Variants in RCAN2 observed in about 807,000 individuals in gnomAD.
RCAN2 encodes regulator of calcineurin 2, also known as calcipressin-2.
Under a neutral mutation model 23.6 loss-of-function variants are expected in RCAN2, and 9 were observed. That is an observed-to-expected ratio of 0.38 (90% confidence interval 0.23 to 0.67). The LOEUF (loss-of-function observed/expected upper bound fraction) is 0.67. Ranked by LOEUF, RCAN2 falls within the 30% of genes least tolerant of loss-of-function variation. The pLI, the probability that RCAN2 is intolerant of heterozygous loss-of-function variation, is 0.51. For synonymous variants in RCAN2, 109 were observed against 115.7 expected (o/e 0.94, Z 0.37); for missense variants, 273 against 302.3 (o/e 0.90, Z 0.72).
chr6:46,386,967 T>A (rs1765774160), intron 2 of RCAN2, among the ~76,000 whole-genome samples: 1 of 152,180 alleles, frequency 6.6e-6, no homozygotes, highest in Non-Finnish European at 1.5e-5. Context: ...AACCATCTGA[T>A]CTTTGACAAA....
rs12198878 is a variant in RCAN2 at position 46,365,617 on chromosome 6, C to A, written c.225+91135G>T. ...AAGGTATATGACAAAATATTGCTATCCTTCAACAGGAAATTGTCAATTTCT... is the reference window on the plus strand; with the variant it reads ...AAGGTATATGACAAAATATTGCTATACTTCAACAGGAAATTGTCAATTTCT... On this transcript the variant is annotated intron_variant, in intron 2 of 4. Transcript: ENST00000371374. 2.2e-3 allele frequency among the ~76,000 whole-genome samples: 336 copies of A among 152,248 alleles called. 2 individuals are homozygous for A. Among genetic ancestry groups the A allele is most frequent in the South Asian group, 0.017 (80 of 4,812 alleles).
At chr6:46,290,991 C>T (rs1168084381) in intron 2 of RCAN2, among the ~76,000 whole-genome samples, 1 of 152,128 alleles carries the variant, frequency 6.6e-6, no homozygotes, top group Non-Finnish European at 1.5e-5. Context: ...CAGGACTGGC[C>T]CACAAAGTGC....
chr6:46,256,485 C>G (rs1156444832), intron 2 of RCAN2, among the ~76,000 whole-genome samples: 1 of 152,160 alleles, frequency 6.6e-6, no homozygotes, highest in Non-Finnish European at 1.5e-5. Flanking sequence ...AGGCCGAACT[C>G]AGGCCATATT....
At chr6:46,390,013 C>T (rs1295547876) in intron 2 of RCAN2, among the ~76,000 whole-genome samples, 5 of 115,196 alleles carry the variant, frequency 4.3e-5, no homozygotes, top group Non-Finnish European at 5.7e-5. Context: ...CATTATTATT[C>T]GAGACCAAAA....
At chr6:46,280,823 G>A (rs1767882532) in intron 2 of RCAN2, among the ~76,000 whole-genome samples, 1 of 152,144 alleles carries the variant, frequency 6.6e-6, no homozygotes, top group Non-Finnish European at 1.5e-5. Flanking sequence ...TTAGTGAGAT[G>A]TCTCAGGGAG....
intron 2 of RCAN2, among the ~76,000 whole-genome samples, chr6:46,293,749 T>A (rs1582074508): frequency 6.6e-6 from 1 of 152,206 alleles, no homozygotes; most frequent in South Asian, 2.1e-4. Context: ...CTTGCTCAGG[T>A]AAGAGCACAG....
At chr6:46,287,979 C>A (rs896874400) in intron 2 of RCAN2, among the ~76,000 whole-genome samples, 52 of 152,298 alleles carry the variant, frequency 3.4e-4, no homozygotes, top group South Asian at 1.5e-3. Flanking sequence ...TAATGTCTAT[C>A]CTTCCCTGCA....
At chr6:46,339,718 A>G (rs1385743927) in intron 2 of RCAN2, among the ~76,000 whole-genome samples, 2 of 152,216 alleles carry the variant, frequency 1.3e-5, no homozygotes, top group Non-Finnish European at 2.9e-5. Context: ...CCATTCTGCA[A>G]ATAATATGTG....
intron 2 of RCAN2, among the ~76,000 whole-genome samples, chr6:46,411,344 C>CTA (rs1766545065): frequency 6.6e-6 from 1 of 152,138 alleles, no homozygotes; most frequent in African/African-American, 2.4e-5. Context: ...GGATGGGGAG[C>CTA]TATTGTTCAA....
intron 4 of RCAN2, among the ~76,000 whole-genome samples, chr6:46,240,400 G>T (rs1766263476): frequency 6.6e-6 from 1 of 152,170 alleles, no homozygotes; most frequent in Non-Finnish European, 1.5e-5. Context: ...ACTCCATAGT[G>T]ATGGAAGATA....
chr6:46,336,917 G>C (rs1764161477), intron 2 of RCAN2, among the ~76,000 whole-genome samples: 3 of 144,058 alleles, frequency 2.1e-5, no homozygotes, highest in Non-Finnish European at 4.5e-5. Context: ...TCTGGGGATG[G>C]GGGATAAAGT....
At chr6:46,316,971 C>T (rs992349327) in intron 2 of RCAN2, among the ~76,000 whole-genome samples, 1 of 152,094 alleles carries the variant, frequency 6.6e-6, no homozygotes, top group African/African-American at 2.4e-5. Flanking sequence ...TTGGAGGTTT[C>T]CTGTGAAAAA....
At chr6:46,314,449 GGT>G (rs1469866391) in intron 2 of RCAN2, among the ~76,000 whole-genome samples, 4 of 151,046 alleles carry the variant, frequency 2.6e-5, no homozygotes, top group Non-Finnish European at 5.9e-5. Flanking sequence ...AGCCAGAGTA[GGT>G]GTGTAGGTGT....
rs1769143500 is a variant in RCAN2 at position 46,491,343 on chromosome 6, G to A, written c.-173C>T. 6.6e-6 allele frequency: 1 copy of A among 151,456 alleles called. No individual in the cohort carries two copies. The highest frequency in any genetic ancestry group is 6.6e-5 in the Admixed American group (1 of 15,192). The allele number at this position is 151,456 out of a possible 1,614,324, so 9.4% of individuals were successfully genotyped here. A position where few individuals can be genotyped will look rare whatever the true frequency, so the allele number is the denominator to read the frequency against. On this transcript the variant is annotated 5_prime_UTR_variant, in exon 1 of 5. Coordinates refer to ENST00000371374, the MANE Select transcript of RCAN2 (RefSeq NM_001251974.2). The stretch of plus-strand genomic sequence containing the variant: ...CTTTGCGTGGGGCCGTACGCGGCGC[G>A]GCGCGCCCCGCCTCCCTCTCTCTGC...
At chr6:46,322,074 C>A (rs2150362525) in intron 2 of RCAN2, among the ~76,000 whole-genome samples, 1 of 152,264 alleles carries the variant, frequency 6.6e-6, no homozygotes, top group East Asian at 1.9e-4. Context: ...CCAGGGGACA[C>A]CGATGTGCAA....
chr6:46,277,619 T>C (rs1767758946), intron 2 of RCAN2, among the ~76,000 whole-genome samples: 1 of 151,834 alleles, frequency 6.6e-6, no homozygotes, highest in Non-Finnish European at 1.5e-5. Context: ...TAGGTTTTAA[T>C]TTTACTTAAT....
rs1765528761 is a variant in RCAN2 at position 46,223,076 on chromosome 6, A to G, written c.*65T>C. 6.4e-7 allele frequency: 1 copy of G among 1,554,922 alleles called. No individual in the cohort carries two copies. The highest frequency in any genetic ancestry group is 8.7e-7 in the Non-Finnish European group (1 of 1,148,086). Reference sequence around the variant, plus strand: ...AGGAATTTAAAGGCAATTTTTTTTGACAAACAACAGGGGGAAAAAGCATGA... The same window carrying G: ...AGGAATTTAAAGGCAATTTTTTTTGGCAAACAACAGGGGGAAAAAGCATGA... On this transcript the variant is annotated 3_prime_UTR_variant, in exon 5 of 5. Coordinates refer to ENST00000371374, the MANE Select transcript of RCAN2 (RefSeq NM_001251974.2).
intron 2 of RCAN2, among the ~76,000 whole-genome samples, chr6:46,435,274 C>T (rs1010328028): frequency 2.0e-5 from 3 of 152,148 alleles, no homozygotes; most frequent in Non-Finnish European, 2.9e-5. Flanking sequence ...GTAATAAAGT[C>T]ATTCATATGA....
At chr6:46,477,192 G>T (rs748060562) in intron 1 of RCAN2, among the ~76,000 whole-genome samples, 1 of 151,958 alleles carries the variant, frequency 6.6e-6, no homozygotes, top group Non-Finnish European at 1.5e-5. Flanking sequence ...CTCCAACTCT[G>T]GTACTAAATG....
Sources: allele counts gnomAD v4.1 joint callset (sites outside exome capture counted in the v4.1 genomes callset), GRCh38; gene constraint gnomAD v4.1.1; transcripts MANE v1.5; gene names NCBI Gene and HGNC (gene_info 2026-07-23, HGNC 2026-07-21).